The following USP6 variants were observed in gnomAD, a reference collection of about 807,000 sequenced individuals.
USP6 encodes ubiquitin carboxyl-terminal hydrolase 6.
USP6 carries 128 observed loss-of-function variants against 175.7 expected under a neutral mutation model. The ratio of observed to expected loss-of-function variants is 0.73; its 90% confidence interval spans 0.63 to 0.84. USP6 has a LOEUF of 0.84. Among genes scored for constraint, USP6 ranks in the 40% least tolerant of loss-of-function variants. USP6 has a pLI of 0.00. For synonymous variants in USP6, 562 were observed against 630.6 expected, an observed-to-expected ratio of 0.89 and a Z score of 1.63; for missense variants, 1,498 against 1,760.3, an observed-to-expected ratio of 0.85 and a Z score of 2.67.
At chr17:5,117,544 A>G (rs923965671) in intron 1 of USP6, among the ~76,000 whole-genome samples, 7 of 151,674 alleles carry the variant, frequency 4.6e-5, no homozygotes, top group African/African-American at 1.7e-4. Context: ...CTCAATAAAT[A>G]TTTACAGCAC....
intron 30 of USP6, among the ~76,000 whole-genome samples, chr17:5,153,520 A>G (rs574693043): frequency 1.3e-5 from 2 of 152,288 alleles, no homozygotes; most frequent in African/African-American, 4.8e-5. Flanking sequence ...TCCCGACCTC[A>G]GGTGATCCAC....
intron 22 of USP6, among the ~76,000 whole-genome samples, chr17:5,140,091 T>C (rs897738874): frequency 6.6e-6 from 1 of 151,972 alleles, no homozygotes; most frequent in Non-Finnish European, 1.5e-5. Context: ...TTCTGAATTC[T>C]GACAACACCA....
intron 34 of USP6, 22 bp downstream of exon 34, chr17:5,168,145 G>C (rs1454271353): frequency 8.3e-6 from 13 of 1,566,222 alleles, no homozygotes; most frequent in African/African-American, 8.1e-5. Flanking sequence ...TCCTGCCTCT[G>C]AGAGAGCAGG....
At chr17:5,130,915 A>C (rs943089482) in intron 11 of USP6, among the ~76,000 whole-genome samples, 3 of 152,188 alleles carry the variant, frequency 2.0e-5, no homozygotes, top group Non-Finnish European at 4.4e-5. Context: ...AGACTGGGCT[A>C]GGCCAGGCCC....
At position 5,139,630 on chromosome 17, in the gene USP6, A is replaced by T; in HGVS notation, c.1454A>T (p.Glu485Val). 6.2e-7 allele frequency: 1 copy of T among 1,612,898 alleles called. No homozygotes were observed. ...WSCWVRAISQEDQLATCWQAE... is the reference protein window; with the variant it reads ...WSCWVRAISQVDQLATCWQAE... ...TGCTGGGTCCGTGCCATATCCCAGG[A>T]GGACCAGCTGGCCACCTGCTGGCAG... Residue 485 changes from glutamate (E) to valine (V), a missense_variant, in exon 22 of 38, where the codon GAG (glutamate) becomes GTG (valine). Physicochemically the swap from Glu to Val is moderately radical, Grantham distance 121. Transcript: ENST00000574788.
rs190210722 is a variant in USP6 at position 5,168,680 on chromosome 17, T to C, written c.3229-87T>C. 5,365 of 1,448,314 alleles carry C rather than the reference T, an allele frequency of 3.7e-3. 20 individuals carry two copies. Among genetic ancestry groups the C allele is most frequent in the Non-Finnish European group, 4.5e-3 (4,784 of 1,075,018 alleles). 89.7% of individuals were successfully genotyped at this position (1,448,314 alleles called of 1,614,324 possible). ...ATGTTCTGTTATATATTTCCAAACA[T>C]TCACATGTATTTGACTTGTTTTTTC... On this transcript the variant is annotated intron_variant, in intron 34 of 37. Transcript: ENST00000574788.
intron 22 of USP6, 121 bp downstream of exon 22, chr17:5,139,795 C>T (rs1350408774): frequency 1.6e-5 from 26 of 1,594,764 alleles, no homozygotes; most frequent in Admixed American, 1.2e-4. Context: ...AGCAGCAGTG[C>T]GCTCCCACTT....
intron 30 of USP6, among the ~76,000 whole-genome samples, chr17:5,153,635 C>T (rs117505302): frequency 0.017 from 2,631 of 151,420 alleles, 51 homozygotes; most frequent in Non-Finnish European, 0.022. Context: ...GAATTAGTAG[C>T]CGTTGGCTTA....
At chr17:5,119,342 T>G (rs745695206) in intron 2 of USP6, among the ~76,000 whole-genome samples, 4 of 152,336 alleles carry the variant, frequency 2.6e-5, no homozygotes, top group South Asian at 2.1e-4. Flanking sequence ...AATTGGACAT[T>G]ACTACATTAG....
chr17:5,156,039 C>A (rs2073876847), intron 31 of USP6, among the ~76,000 whole-genome samples: 1 of 152,206 alleles, frequency 6.6e-6, no homozygotes, highest in Non-Finnish European at 1.5e-5. Context: ...CATACATGAA[C>A]TCTGAAAAGT....
rs866859824 is a variant in USP6 at position 5,144,832 on chromosome 17, A to G, written c.1961A>G (p.Asp654Gly). Residue 654 changes from aspartate (D) to glycine (G), a missense_variant, in exon 26 of 38, where the codon GAT becomes GGT. Asp to Gly is a moderately conservative substitution (Grantham distance 94, BLOSUM62 -1). Transcript: ENST00000574788. ...EKPYVELKDS[D>G]GRPDWEVAAE... ...CCATATGTGGAACTGAAGGACAGTG[A>G]TGGCCGACCAGACTGGGAAGTAGCT... 1 of 1,606,842 alleles carries G rather than the reference A, an allele frequency of 6.2e-7. No individual in the cohort carries two copies. The highest frequency in any genetic ancestry group is 1.3e-5 in the African/African-American group (1 of 74,930).
intron 37 of USP6, among the ~76,000 whole-genome samples, chr17:5,172,490 C>A (rs1337391089): frequency 6.6e-6 from 1 of 152,278 alleles, no homozygotes; most frequent in South Asian, 2.1e-4. Context: ...GAGATTGCAC[C>A]AGTGCACACC....
At chr17:5,172,010 A>G (rs2074229331) in intron 37 of USP6, among the ~76,000 whole-genome samples, 2 of 152,018 alleles carry the variant, frequency 1.3e-5, no homozygotes, top group Admixed American at 1.3e-4. Context: ...CCCCATCTCT[A>G]CTAAAAATAC....
intron 17 of USP6, among the ~76,000 whole-genome samples, chr17:5,136,290 G>A (rs2073251103): frequency 6.6e-6 from 1 of 152,214 alleles, no homozygotes; most frequent in Non-Finnish European, 1.5e-5. Context: ...GGCTGACCAA[G>A]CCCAGGTGGC....
At chr17:5,171,726 T>G in intron 37 of USP6, 47 bp downstream of exon 37, 1 of 1,581,698 alleles carries the variant, frequency 6.3e-7, no homozygotes. Flanking sequence ...TCAACAGAAC[T>G]GGGGAACATT....
At position 5,139,252 on chromosome 17, in the gene USP6, C is replaced by G. The variant is rs202135772; in HGVS notation, c.1079-3C>G. 1.1e-5 allele frequency: 18 copies of G among 1,600,458 alleles called. 2 individuals are homozygous for G. The highest frequency in any genetic ancestry group is 1.7e-4 in the Middle Eastern group (1 of 6,048). ...ATGCTGACCACGTCTGTTTTCCTTT[C>G]AGCCAAACGCGAGCAAGGGTCCTTG... On this transcript the variant is annotated splice_region_variant and splice_polypyrimidine_tract_variant and intron_variant, in intron 21 of 37. Coordinates refer to ENST00000574788, the MANE Select transcript of USP6 (RefSeq NM_001304284.2).
At chr17:5,119,848 A>G (rs559464861) in intron 2 of USP6, among the ~76,000 whole-genome samples, 13 of 152,318 alleles carry the variant, frequency 8.5e-5, no homozygotes, top group African/African-American at 3.1e-4. Flanking sequence ...ACCCGTGAAG[A>G]AACTGAAGCT....
intron 4 of USP6, among the ~76,000 whole-genome samples, chr17:5,124,341 C>G (rs979006758): frequency 3.3e-5 from 5 of 152,154 alleles, no homozygotes; most frequent in Non-Finnish European, 7.3e-5. Context: ...CCCACATAAT[C>G]GGGTCACTAA....
intron 14 of USP6, 78 bp from the exon 15 acceptor site, chr17:5,133,809 G>T (rs574399201): frequency 2.8e-6 from 4 of 1,443,900 alleles, no homozygotes; most frequent in South Asian, 2.3e-5. Context: ...AGTGCTGACT[G>T]TGGGCTGACT....
Sources: gnomAD v4.1 joint callset for allele counts (sites outside exome capture counted in the v4.1 genomes callset) on GRCh38, gnomAD v4.1.1 for gene constraint, MANE v1.5 for transcripts, NCBI Gene and HGNC (gene_info 2026-07-23, HGNC 2026-07-21) for gene names.